The following FHDC1 variants were observed in gnomAD, a reference collection of about 807,000 sequenced individuals.
The protein encoded by FHDC1 is FH2 domain-containing protein 1.
Under a neutral mutation model 52.6 loss-of-function variants are expected in FHDC1, and 25 were observed. The observed-to-expected ratio is 0.48, with a 90% CI of 0.35 to 0.66. The LOEUF (loss-of-function observed/expected upper bound fraction) is 0.66, where lower values mean the gene tolerates loss of function less well. Ranked by LOEUF, FHDC1 falls within the 30% of genes least tolerant of loss-of-function variation. The pLI, the probability that FHDC1 is intolerant of heterozygous loss-of-function variation, is 0.01. For missense variants in FHDC1, 1,459 were observed against 1,452.8 expected (o/e 1.00, Z -0.07); for synonymous variants, 616 against 581.5 (o/e 1.06, Z -0.85).
chr4:152,958,180 C>A (rs765705747), intron 4 of FHDC1, among the ~76,000 whole-genome samples: 3 of 152,102 alleles, frequency 2.0e-5, no homozygotes, highest in Non-Finnish European at 4.4e-5. Flanking sequence ...GAGGTGTGCC[C>A]TTTGGAGTGT....
chr4:152,947,533 G>A (rs1039774352), intron 2 of FHDC1, among the ~76,000 whole-genome samples: 10 of 152,236 alleles, frequency 6.6e-5, no homozygotes, highest in South Asian at 4.1e-4. Flanking sequence ...GAGGGTGTGC[G>A]TGTCTGCCTC....
At position 152,972,430 on chromosome 4, in the gene FHDC1, T is replaced by G. The variant is rs763282003; in HGVS notation, c.1272T>G (p.Asp424Glu). The G allele has an allele frequency of 6.2e-7, 1 of 1,610,362 alleles. No homozygotes were observed. Among genetic ancestry groups the G allele is most frequent in the South Asian group, 1.1e-5 (1 of 89,814 alleles). The stretch of plus-strand genomic sequence containing the variant: ...AATGCTGGAAACAAGAGCTCCAGGA[T>G]GAGGCCTACACCCTTATAGATTTTT... Reference protein sequence around the residue: ...ELECWKQELQDEAYTLIDFFC... With the variant: ...ELECWKQELQEEAYTLIDFFC... Residue 424 changes from aspartate (D) to glutamate (E), a missense_variant, in exon 11 of 12, where the codon GAT becomes GAG. Around this residue, in one of 3 missense-constraint regions of FHDC1, gnomAD observed 513 missense variants for 581.5 expected, o/e 0.88. Transcript: ENST00000511601.
intron 4 of FHDC1, among the ~76,000 whole-genome samples, chr4:152,957,286 G>T (rs1180144378): frequency 6.6e-6 from 1 of 152,202 alleles, no homozygotes; most frequent in African/African-American, 2.4e-5. Flanking sequence ...GGACAGGGCA[G>T]AATGAAGTGA....
chr4:152,944,851 A>G (rs771015230), intron 2 of FHDC1, among the ~76,000 whole-genome samples: 19 of 152,166 alleles, frequency 1.2e-4, no homozygotes, highest in Non-Finnish European at 2.2e-4. Flanking sequence ...GTATCCTTTC[A>G]ATATTGGAAG....
chr4:152,930,997 A>ACACTCTTT, the FHDC1 span, among the ~76,000 whole-genome samples: 1 of 113,146 alleles, frequency 8.8e-6, no homozygotes, highest in Non-Finnish European at 1.9e-5. Context: ...ACACACACAC[A>ACACTCTTT]CTCTCTCTCT....
At chr4:152,950,625 G>T (rs915340632) in intron 2 of FHDC1, among the ~76,000 whole-genome samples, 5 of 152,188 alleles carry the variant, frequency 3.3e-5, no homozygotes, top group Admixed American at 2.6e-4. Context: ...TAGGGCCAGG[G>T]CTCAGGCCCC....
chr4:152,922,726 C>G, the FHDC1 span, among the ~76,000 whole-genome samples: 1 of 152,006 alleles, frequency 6.6e-6, no homozygotes, highest in Non-Finnish European at 1.5e-5. Context: ...TAAATGTAAT[C>G]CAGCATATAA....
intron 10 of FHDC1, among the ~76,000 whole-genome samples, chr4:152,970,952 C>T (rs1383623765): frequency 6.6e-6 from 1 of 152,208 alleles, no homozygotes; most frequent in Admixed American, 6.5e-5. Flanking sequence ...CCCAGCCCAT[C>T]CCCACTTCAC....
rs192346234 is a variant in FHDC1 at position 152,952,731 on chromosome 4, G to C, written c.499-768G>C. 2.7e-3 allele frequency among the ~76,000 whole-genome samples: 415 copies of C among 152,234 alleles called. 2 individuals are homozygous for C. The highest frequency in any genetic ancestry group is 8.9e-3 in the African/African-American group (369 of 41,532). On this transcript the variant is annotated intron_variant, in intron 2 of 11. Transcript: ENST00000511601. ...AGATTTTGGTATCCCCAGGGGTCCT[G>C]GAACTAATCCCCTGTGATACTAAAG...
chr4:152,934,655 A>C (rs1043038239), upstream of FHDC1, among the ~76,000 whole-genome samples: 1 of 152,224 alleles, frequency 6.6e-6, no homozygotes, highest in Non-Finnish European at 1.5e-5. Context: ...CGAGAGTTGG[A>C]AAAACCTTGT....
At chr4:152,961,438 T>C (rs1740279096) in intron 6 of FHDC1, among the ~76,000 whole-genome samples, 1 of 152,228 alleles carries the variant, frequency 6.6e-6, no homozygotes, top group South Asian at 2.1e-4. Flanking sequence ...GAAAAACTCT[T>C]TAAATTCTTG....
In FHDC1 at chr4:152,943,378, G is replaced by A. The variant is rs750028530; in HGVS notation, c.321G>A (p.Glu107=). The A allele has an allele frequency of 6.2e-7, 1 of 1,613,720 alleles. No individual in the cohort carries two copies. Among genetic ancestry groups the A allele is most frequent in the Non-Finnish European group, 8.5e-7 (1 of 1,179,988 alleles). Residue 107 remains glutamate, a synonymous_variant, in exon 2 of 12, where the codon GAG becomes GAA. Coordinates refer to ENST00000511601, the MANE Select transcript of FHDC1 (RefSeq NM_001371116.1). Reference sequence around the variant, plus strand: ...GCTTTTTTTGGAAAACTATTCCGGAGGAGCAAGTTCGAGGCAAAACCAACA... The same window carrying A: ...GCTTTTTTTGGAAAACTATTCCGGAAGAGCAAGTTCGAGGCAAAACCAACA... ...MRSFFWKTIP[E]EQVRGKTNIW...
the FHDC1 span, among the ~76,000 whole-genome samples, chr4:152,913,180 A>G: frequency 2.0e-5 from 3 of 152,238 alleles, no homozygotes; most frequent in Non-Finnish European, 4.4e-5. Context: ...AGTTTCTTCT[A>G]AAGTTAAGTT....
the FHDC1 span, among the ~76,000 whole-genome samples, chr4:152,913,284 G>C: frequency 6.6e-6 from 1 of 152,208 alleles, no homozygotes; most frequent in East Asian, 1.9e-4. Flanking sequence ...CAAGATGCTT[G>C]CCTTTCTATC....
chr4:152,959,347 C>T (rs568645506), intron 4 of FHDC1, among the ~76,000 whole-genome samples: 2 of 152,298 alleles, frequency 1.3e-5, no homozygotes, highest in Non-Finnish European at 2.9e-5. Flanking sequence ...TGAAAACTTT[C>T]CTTTCATCTC....
intron 4 of FHDC1, among the ~76,000 whole-genome samples, chr4:152,959,941 A>ACATAGGT (rs34461196): frequency 6.6e-6 from 1 of 151,274 alleles, no homozygotes; most frequent in South Asian, 2.1e-4. Context: ...GGCAATCTTA[A>ACATAGGT]CGTCCCGTTG....
intron 10 of FHDC1, among the ~76,000 whole-genome samples, chr4:152,968,738 G>A (rs1473287340): frequency 6.6e-6 from 1 of 152,202 alleles, no homozygotes; most frequent in Non-Finnish European, 1.5e-5. Flanking sequence ...CAGCCATGGA[G>A]TTGCACTTGG....
chr4:152,923,095 A>G, the FHDC1 span, among the ~76,000 whole-genome samples: 2 of 152,186 alleles, frequency 1.3e-5, no homozygotes, highest in East Asian at 3.8e-4. Flanking sequence ...ACATGATTGT[A>G]TATCTAGAAA....
chr4:152,916,833 A>G, the FHDC1 span, among the ~76,000 whole-genome samples: 1 of 152,250 alleles, frequency 6.6e-6, no homozygotes, highest in East Asian at 1.9e-4. Context: ...AAAATAGTTT[A>G]GGATATGACT....
Sources: gnomAD v4.1 joint callset for allele counts (sites outside exome capture counted in the v4.1 genomes callset) on GRCh38, gnomAD v4.1.1 for gene constraint, gnomAD v4.1.1 regional missense constraint, MANE v1.5 for transcripts, NCBI Gene and HGNC (gene_info 2026-07-23, HGNC 2026-07-21) for gene names.